The following UGT1A7 variants were observed in gnomAD, a reference collection of about 807,000 sequenced individuals.
UGT1A7 encodes the protein UDP-glucuronosyltransferase 1A7.
In UGT1A7, 33 loss-of-function variants were observed where a neutral mutation model predicts 45.6. The observed-to-expected ratio is 0.72, with a 90% CI of 0.55 to 0.97. The LOEUF (loss-of-function observed/expected upper bound fraction) is 0.97. UGT1A7 is among the 50% of genes least tolerant of loss of function. The probability of loss-of-function intolerance (pLI) is 0.00; values close to 1 mark genes in which losing one functional copy is unlikely to be tolerated. For synonymous variants in UGT1A7, 274 were observed against 250.6 expected, an observed-to-expected ratio of 1.09 and a Z score of -0.88; for missense variants, 684 against 666.2, an observed-to-expected ratio of 1.03 and a Z score of -0.29.
At chr2:233,721,874 C>G in intron 1 of UGT1A7, 5 of 497,190 alleles carry the variant, frequency 1.0e-5, no homozygotes, top group South Asian at 7.3e-5. Context: ...GGCACACTTG[C>G]CAGCCCCTCC....
rs1269170912 is a variant in UGT1A7 at position 233,716,767 on chromosome 2, C to G, written c.855+33975C>G. Among the ~76,000 whole-genome samples, 2 of 152,200 alleles carry G rather than the reference C, an allele frequency of 1.3e-5. 1 individual carries two copies. The highest frequency in any genetic ancestry group is 1.3e-4 in the Admixed American group (2 of 15,278). On this transcript the variant is annotated intron_variant, in intron 1 of 4. Coordinates refer to ENST00000373426, the MANE Select transcript of UGT1A7 (RefSeq NM_019077.3). ...ATTGGGAGAGGGGAGCTAGATCACT[C>G]AGGTCAGGCTTTCGGGATGCCTTTT...
Position 233,725,630 on chromosome 2 carries a change from A to G in UGT1A7, c.856-41404A>G, listed in dbSNP as rs544565548. ...TCTTGCTAAGTCTTCAAAATCTAGCATATATCTGACATTTACAGCATATCT... is the reference window on the plus strand; with the variant it reads ...TCTTGCTAAGTCTTCAAAATCTAGCGTATATCTGACATTTACAGCATATCT... On this transcript the variant is annotated intron_variant, in intron 1 of 4. Transcript: ENST00000373426. 6.6e-5 allele frequency among the ~76,000 whole-genome samples: 10 copies of G among 152,292 alleles called. No individual in the cohort carries two copies. The South Asian group carries it at 1.5e-3, about 22-fold the overall frequency.
At chr2:233,738,769 T>C (rs1352838892) in intron 1 of UGT1A7, among the ~76,000 whole-genome samples, 4 of 152,188 alleles carry the variant, frequency 2.6e-5, no homozygotes, top group Non-Finnish European at 5.9e-5. Context: ...ACCCATTTTA[T>C]GGGGAGAAAT....
intron 1 of UGT1A7, among the ~76,000 whole-genome samples, chr2:233,745,315 A>G (rs1693069084): frequency 2.0e-5 from 3 of 151,844 alleles, no homozygotes; most frequent in African/African-American, 4.9e-5. Flanking sequence ...GATTATTTCC[A>G]CTAGAACTGC....
At chr2:233,724,339 G>T (rs2077227774) in intron 1 of UGT1A7, among the ~76,000 whole-genome samples, 3 of 142,760 alleles carry the variant, frequency 2.1e-5, no homozygotes, top group Non-Finnish European at 3.1e-5. Context: ...GCGGGGGGCT[G>T]ACCCCCCCCA....
chr2:233,754,773 G>A (rs1178551708), intron 1 of UGT1A7: 7 of 1,057,998 alleles, frequency 6.6e-6, no homozygotes, highest in Non-Finnish European at 9.2e-6. Context: ...ACTTCCCAGG[G>A]AGCCAAAGGA....
intron 1 of UGT1A7, among the ~76,000 whole-genome samples, chr2:233,707,402 T>TTC (rs2075960068): frequency 6.6e-6 from 1 of 152,208 alleles, no homozygotes; most frequent in Non-Finnish European, 1.5e-5. Context: ...CTTTTTGATG[T>TTC]TCTCTCTCCC....
rs1575663531 is a variant in UGT1A7, at chr2:233,744,064, T to A, written c.856-22970T>A. ...GCCACATCTCATTGGTCGAGGCCTATGAGCGCCTCGCATCCCAAGATGCAG... is the reference window on the plus strand; with the variant it reads ...GCCACATCTCATTGGTCGAGGCCTAAGAGCGCCTCGCATCCCAAGATGCAG... On this transcript the variant is annotated intron_variant, in intron 1 of 4. Transcript: ENST00000373426. 7.1e-6 allele frequency: 4 copies of A among 560,044 alleles called. No homozygotes were observed. In the East Asian group the frequency reaches 2.1e-4, roughly 29 times the overall value. 34.7% of individuals were successfully genotyped at this position (560,044 alleles called of 1,614,324 possible). A position where few individuals can be genotyped will look rare whatever the true frequency, so the allele number is the denominator to read the frequency against.
intron 1 of UGT1A7, chr2:233,689,899 G>A (rs1300313020): frequency 2.2e-6 from 1 of 456,498 alleles, no homozygotes; most frequent in South Asian, 1.5e-5. Context: ...TATTTCTCAG[G>A]GCCAGGTAGG....
At chr2:233,757,543 T>TACATATACATATAC (rs1320189051) in intron 1 of UGT1A7, among the ~76,000 whole-genome samples, 2 of 117,340 alleles carry the variant, frequency 1.7e-5, no homozygotes, top group African/African-American at 7.1e-5. Flanking sequence ...GGAATATATA[T>TACATATACATATAC]ATATATATAT....
intron 1 of UGT1A7, among the ~76,000 whole-genome samples, chr2:233,737,662 C>T (rs972377767): frequency 1.3e-5 from 2 of 152,186 alleles, no homozygotes; most frequent in East Asian, 1.9e-4. Flanking sequence ...AGCTGCAGAT[C>T]GGAGCTGTTC....
At chr2:233,768,134 C>CT (rs1360779750) in intron 3 of UGT1A7, 86 bp from the exon 4 acceptor site, 2 of 1,607,930 alleles carry the variant, frequency 1.2e-6, no homozygotes, top group African/African-American at 2.7e-5. Flanking sequence ...AACACTGAGT[C>CT]TTTGGAGTGT....
chr2:233,717,108 A>C (rs1447260026), intron 1 of UGT1A7, among the ~76,000 whole-genome samples: 3 of 152,264 alleles, frequency 2.0e-5, no homozygotes, highest in East Asian at 3.9e-4. Context: ...TCTAAATAAA[A>C]CACCACTACA....
Position 233,687,583 on chromosome 2 carries a change from T to TA in UGT1A7, c.855+4815dup, listed in dbSNP as rs71398794. Among the ~76,000 whole-genome samples the TA allele has an allele frequency of 9.1e-3, 974 of 107,020 alleles. 5 individuals carry two copies. Among genetic ancestry groups the TA allele is most frequent in the East Asian group, 0.026 (90 of 3,434 alleles). 70.2% of individuals were successfully genotyped at this position (107,020 alleles called of 152,430 possible). A position where few individuals can be genotyped will look rare whatever the true frequency, so the allele number is the denominator to read the frequency against. ...AGAATTCAAGACCATACATTCTTTGTAAAAAAAAAAAAAAAAAAAAAAAAG... is the reference window on the plus strand; with the variant it reads ...AGAATTCAAGACCATACATTCTTTGTAAAAAAAAAAAAAAAAAAAAAAAAAG... On this transcript the variant is annotated intron_variant, in intron 1 of 4. Transcript: ENST00000373426.
chr2:233,747,735 A>C, intron 1 of UGT1A7: 1 of 1,613,360 alleles, frequency 6.2e-7, no homozygotes, highest in Non-Finnish European at 8.5e-7. Flanking sequence ...TTTTTTGAGG[A>C]ACATTCCATG....
At chr2:233,738,852 A>G (rs1448497943) in intron 1 of UGT1A7, 2 of 152,248 alleles carry the variant, frequency 1.3e-5, no homozygotes, top group Admixed American at 1.3e-4. Flanking sequence ...AATCACCAAG[A>G]CAATGGGGAA....
At chr2:233,746,129 C>T (rs191765409) in intron 1 of UGT1A7, among the ~76,000 whole-genome samples, 2 of 151,948 alleles carry the variant, frequency 1.3e-5, no homozygotes, top group East Asian at 3.9e-4. Flanking sequence ...AAACTGTGGA[C>T]TGGCACCTGA....
intron 1 of UGT1A7, among the ~76,000 whole-genome samples, chr2:233,730,705 A>T (rs2078064782): frequency 6.6e-6 from 1 of 152,130 alleles, no homozygotes; most frequent in South Asian, 2.1e-4. Flanking sequence ...TTCTACTTGG[A>T]ATGCTGAAAT....
intron 1 of UGT1A7, chr2:233,718,636 G>T: frequency 6.8e-7 from 1 of 1,465,760 alleles, no homozygotes; most frequent in Non-Finnish European, 9.1e-7. Context: ...CTTTCCCAGG[G>T]TTGGGCCCAT....
Sources: allele counts gnomAD v4.1 joint callset (sites outside exome capture counted in the v4.1 genomes callset), GRCh38; gene constraint gnomAD v4.1.1; transcripts MANE v1.5; gene names NCBI Gene and HGNC (gene_info 2026-07-23, HGNC 2026-07-21).